CDH18: variants seen among roughly 807,000 people sequenced by gnomAD.
CDH18 encodes cadherin-18.
In CDH18, 31 loss-of-function variants were observed where a neutral mutation model predicts 67.9. The observed-to-expected ratio is 0.46, with a 90% CI of 0.34 to 0.62. The LOEUF (loss-of-function observed/expected upper bound fraction) is 0.62, where lower values mean the gene tolerates loss of function less well. Ranked by LOEUF, CDH18 falls within the 20% of genes least tolerant of loss-of-function variation. The probability of loss-of-function intolerance (pLI) is 0.01; values close to 1 mark genes in which losing one functional copy is unlikely to be tolerated. For synonymous variants in CDH18, 362 were observed against 347.2 expected (o/e 1.04, Z -0.48); for missense variants, 890 against 975.5 (o/e 0.91, Z 1.17).
At chr5:20,003,717 C>A (rs984286152) in intron 2 of CDH18, among the ~76,000 whole-genome samples, 2 of 151,998 alleles carry the variant, frequency 1.3e-5, no homozygotes, top group African/African-American at 4.8e-5. Flanking sequence ...ACGGTGAAAC[C>A]CCGTCTCTAC....
chr5:19,723,560 G>A (rs1275719650), intron 4 of CDH18, among the ~76,000 whole-genome samples: 1 of 152,126 alleles, frequency 6.6e-6, no homozygotes, highest in Non-Finnish European at 1.5e-5. Context: ...CAATCAAATA[G>A]TATGGTGACA....
chr5:19,506,794 A>G (rs1338705071), intron 10 of CDH18, among the ~76,000 whole-genome samples: 2 of 152,220 alleles, frequency 1.3e-5, no homozygotes, highest in African/African-American at 4.8e-5. Context: ...CTAAAACCAT[A>G]AAAACCCTAG....
At chr5:19,766,792 T>C (rs1195933732) in intron 3 of CDH18, among the ~76,000 whole-genome samples, 2 of 152,286 alleles carry the variant, frequency 1.3e-5, no homozygotes, top group East Asian at 3.9e-4. Flanking sequence ...CGGATTTTAG[T>C]GGTTTTCCAT....
At chr5:19,535,480 G>A (rs761178281) in intron 9 of CDH18, among the ~76,000 whole-genome samples, 3 of 152,042 alleles carry the variant, frequency 2.0e-5, no homozygotes, top group Admixed American at 6.6e-5. Flanking sequence ...CCGAGGTGAC[G>A]GGTTTTTATA....
intron 1 of CDH18, among the ~76,000 whole-genome samples, chr5:20,300,052 A>AT (rs1219083041): frequency 6.6e-6 from 1 of 152,092 alleles, no homozygotes; most frequent in Non-Finnish European, 1.5e-5. Context: ...GTGAAGAAAT[A>AT]TTTTTTTAAA....
At chr5:19,861,336 C>T (rs1022621363) in intron 2 of CDH18, among the ~76,000 whole-genome samples, 1 of 151,758 alleles carries the variant, frequency 6.6e-6, no homozygotes, top group African/African-American at 2.4e-5. Context: ...AGGACAGGAA[C>T]AGGCAAAAGC....
At chr5:19,587,449 T>C (rs1230988824) in intron 7 of CDH18, among the ~76,000 whole-genome samples, 1 of 152,154 alleles carries the variant, frequency 6.6e-6, no homozygotes, top group East Asian at 1.9e-4. Context: ...CTTTAATGCA[T>C]GTTGAATTGA....
chr5:19,741,281 GTATA>G (rs199807306), intron 4 of CDH18, among the ~76,000 whole-genome samples: 1,675 of 136,336 alleles, frequency 0.012, 23 homozygotes, highest in Admixed American at 0.048. Context: ...ATATATACGT[GTATA>G]TATACATACA....
chr5:20,210,085 G>C (rs947824280), intron 2 of CDH18, among the ~76,000 whole-genome samples: 84 of 150,904 alleles, frequency 5.6e-4, no homozygotes, highest in African/African-American at 1.8e-3. Context: ...AAATAACTTA[G>C]ACATAGTTAC....
At chr5:20,478,204 T>C (rs2150250365) in intron 1 of CDH18, among the ~76,000 whole-genome samples, 1 of 152,102 alleles carries the variant, frequency 6.6e-6, no homozygotes, top group African/African-American at 2.4e-5. Context: ...GGAGAGTCTT[T>C]TGCTGGAGGT....
At chr5:20,565,138 CTCT>C (rs1380457787) in intron 1 of CDH18, among the ~76,000 whole-genome samples, 7 of 152,138 alleles carry the variant, frequency 4.6e-5, no homozygotes, top group African/African-American at 1.7e-4. Flanking sequence ...TGCAGAATAG[CTCT>C]TCTTTACTCA....
intron 7 of CDH18, among the ~76,000 whole-genome samples, chr5:19,574,516 G>GA (rs1741985275): frequency 6.6e-6 from 1 of 152,060 alleles, no homozygotes; most frequent in South Asian, 2.1e-4. Flanking sequence ...GGGAAACTGT[G>GA]AGAAAATTAT....
intron 2 of CDH18, among the ~76,000 whole-genome samples, chr5:19,877,206 C>T (rs1428262177): frequency 1.3e-5 from 2 of 151,896 alleles, no homozygotes; most frequent in South Asian, 2.1e-4. Context: ...TGGCTAAAAA[C>T]TTTCAAACTG....
Position 20,318,575 on chromosome 5 carries a change from T to G in CDH18, c.-579-63070A>C, listed in dbSNP as rs1355572973. Among the ~76,000 whole-genome samples the G allele has an allele frequency of 2.0e-5, 3 of 152,010 alleles. No individual in the cohort carries two copies. The East Asian group carries it at 5.8e-4, about 29-fold the overall frequency. ...GGAGATCTGCTTGTTTAAATGTGTGTGGGGCCTCCTCCCTTGTTGTCTCTT... is the reference window on the plus strand; with the variant it reads ...GGAGATCTGCTTGTTTAAATGTGTGGGGGGCCTCCTCCCTTGTTGTCTCTT... On this transcript the variant is annotated intron_variant, in intron 1 of 14. Transcript: ENST00000507958.
intron 9 of CDH18, among the ~76,000 whole-genome samples, chr5:19,537,348 T>C (rs898987865): frequency 1.4e-4 from 22 of 152,262 alleles, no homozygotes; most frequent in Admixed American, 1.1e-3. Context: ...CAATTTTTTA[T>C]AATAAATCTA....
chr5:20,561,398 G>A (rs1406994986), intron 1 of CDH18, among the ~76,000 whole-genome samples: 1 of 152,058 alleles, frequency 6.6e-6, no homozygotes, highest in Non-Finnish European at 1.5e-5. Context: ...TGTGCTGCAT[G>A]AGGACAATGG....
At chr5:20,566,129 G>T (rs552918795) in intron 1 of CDH18, among the ~76,000 whole-genome samples, 3 of 151,992 alleles carry the variant, frequency 2.0e-5, no homozygotes, top group African/African-American at 4.8e-5. Flanking sequence ...GATACTAAGG[G>T]CATGACTAAA....
At chr5:20,560,512 C>CA (rs67355835) in intron 1 of CDH18, among the ~76,000 whole-genome samples, 8 of 148,194 alleles carry the variant, frequency 5.4e-5, no homozygotes, top group Non-Finnish European at 1.0e-4. Context: ...CACACACACA[C>CA]CCCTACATTC....
At chr5:19,640,665 A>G (rs763292872) in intron 5 of CDH18, among the ~76,000 whole-genome samples, 6 of 152,096 alleles carry the variant, frequency 3.9e-5, no homozygotes, top group Non-Finnish European at 7.4e-5. Flanking sequence ...ATCAAACTGT[A>G]TCGAAACTTT....
Sources: gnomAD v4.1 joint callset for allele counts (sites outside exome capture counted in the v4.1 genomes callset) on GRCh38, gnomAD v4.1.1 for gene constraint, MANE v1.5 for transcripts, NCBI Gene and HGNC (gene_info 2026-07-23, HGNC 2026-07-21) for gene names.